The following PTPRN2 variants were observed in gnomAD, a reference collection of about 807,000 sequenced individuals.
PTPRN2 encodes the protein protein tyrosine phosphatase receptor type N2.
In PTPRN2, 74 loss-of-function variants were observed where a neutral mutation model predicts 118.8. The observed-to-expected ratio is 0.62, with a 90% confidence interval of 0.52 to 0.76. The LOEUF (loss-of-function observed/expected upper bound fraction) is 0.76. Among genes scored for constraint, PTPRN2 ranks in the 30% least tolerant of loss-of-function variants. The probability of loss-of-function intolerance (pLI) is 0.00; values close to 1 mark genes in which losing one functional copy is unlikely to be tolerated. For synonymous variants in PTPRN2, 641 were observed against 608.0 expected (o/e 1.05, Z -0.80); for missense variants, 1,481 against 1,394.4 (o/e 1.06, Z -0.99).
At chr7:158,561,979 C>T (rs1219149692) in intron 1 of PTPRN2, among the ~76,000 whole-genome samples, 1 of 152,214 alleles carries the variant, frequency 6.6e-6, no homozygotes, top group Non-Finnish European at 1.5e-5. Flanking sequence ...CACTGAGCTG[C>T]AGACCTGCCT....
At chr7:157,814,294 G>A (rs1806246547) in intron 12 of PTPRN2, among the ~76,000 whole-genome samples, 1 of 152,210 alleles carries the variant, frequency 6.6e-6, no homozygotes, top group Admixed American at 6.5e-5. Flanking sequence ...TGAAGGAAAC[G>A]TGGGTGTCCA....
At chr7:158,552,424 T>A (rs1713419257) in intron 1 of PTPRN2, among the ~76,000 whole-genome samples, 1 of 152,228 alleles carries the variant, frequency 6.6e-6, no homozygotes. Flanking sequence ...TACTGTTTTT[T>A]AAAAAATAAT....
At chr7:158,481,337 A>G (rs1820625825) in intron 2 of PTPRN2, among the ~76,000 whole-genome samples, 1 of 152,252 alleles carries the variant, frequency 6.6e-6, no homozygotes, top group African/African-American at 2.4e-5. Flanking sequence ...ATGGCTGCTC[A>G]TCAGCAGTGC....
rs1243312812 is a variant in PTPRN2, at chr7:157,929,001, G to A, written c.1724-30264C>T. Among the ~76,000 whole-genome samples, 1 of 152,164 alleles carries A rather than the reference G, an allele frequency of 6.6e-6. No homozygotes were observed. Among genetic ancestry groups the A allele is most frequent in the Non-Finnish European group, 1.5e-5 (1 of 68,022 alleles). Reference sequence around the variant, plus strand: ...CCCCACGTCCAGAACGTCAGGGCAGGAGGGGACATGGAGATGGTTTAACCT... The same window carrying A: ...CCCCACGTCCAGAACGTCAGGGCAGAAGGGGACATGGAGATGGTTTAACCT... On this transcript the variant is annotated intron_variant, in intron 11 of 22. Transcript: ENST00000389418. This position sits in a 1 kb window ranked among gnomAD's most constrained non-coding sequence, Gnocchi z 4.4.
chr7:157,846,983 CCTT>C (rs1415987876), intron 12 of PTPRN2, among the ~76,000 whole-genome samples: 1 of 150,706 alleles, frequency 6.6e-6, no homozygotes, highest in Non-Finnish European at 1.5e-5. Context: ...CTCTCTCACT[CCTT>C]CATGTGTGGC....
Position 157,671,770 on chromosome 7 carries a change from C to T in PTPRN2, c.2001+10955G>A, listed in dbSNP as rs1260635614. 3.9e-5 allele frequency among the ~76,000 whole-genome samples: 6 copies of T among 152,136 alleles called. No individual in the cohort carries two copies. The highest frequency in any genetic ancestry group is 1.4e-4 in the African/African-American group (6 of 41,424). Reference sequence around the variant, plus strand: ...TACCTAAAACTGATCTGAGTGACACCTGAACTGCACAAGGCCTGAAGGACG... The same window carrying T: ...TACCTAAAACTGATCTGAGTGACACTTGAACTGCACAAGGCCTGAAGGACG... On this transcript the variant is annotated intron_variant, in intron 13 of 22. Coordinates refer to ENST00000389418, the MANE Select transcript of PTPRN2 (RefSeq NM_002847.5). The surrounding 1 kb of genome is among the most constrained non-coding windows in gnomAD (Gnocchi z 4.1).
rs1464565924 is a variant in PTPRN2, at chr7:157,787,982, CG to C, written c.1789-105046del. Among the ~76,000 whole-genome samples, 3 of 152,154 alleles carry C rather than the reference CG, an allele frequency of 2.0e-5. No homozygotes were observed. Among genetic ancestry groups the C allele is most frequent in the Non-Finnish European group, 4.4e-5 (3 of 68,004 alleles). On this transcript the variant is annotated intron_variant, in intron 12 of 22. Coordinates refer to ENST00000389418, the MANE Select transcript of PTPRN2 (RefSeq NM_002847.5). This position sits in a 1 kb window ranked among gnomAD's most constrained non-coding sequence, Gnocchi z 5.3. The stretch of plus-strand genomic sequence containing the variant: ...CCGGGTCCCCTGGGAACCACGCAGC[CG>C]GGGCCTGGAGGCCGACACAAGCCAG...
At chr7:157,712,029 G>GCT (rs1798663060) in intron 12 of PTPRN2, among the ~76,000 whole-genome samples, 1 of 21,450 alleles carries the variant, frequency 4.7e-5, no homozygotes, top group African/African-American at 2.0e-4. Flanking sequence ...GGGCCGGGCA[G>GCT]GCCACATGAG....
At chr7:158,560,331 A>G (rs1220646179) in intron 1 of PTPRN2, among the ~76,000 whole-genome samples, 1 of 152,252 alleles carries the variant, frequency 6.6e-6, no homozygotes. Flanking sequence ...TCAGGTATGT[A>G]TGTACCCAGA....
At chr7:158,245,652 T>C (rs1464073120) in intron 3 of PTPRN2, among the ~76,000 whole-genome samples, 1 of 152,116 alleles carries the variant, frequency 6.6e-6, no homozygotes, top group African/African-American at 2.4e-5. Flanking sequence ...CAAAGGCAAC[T>C]CTGCACATCC....
intron 9 of PTPRN2, among the ~76,000 whole-genome samples, chr7:158,111,440 CCTGGCTGGGGACCTGT>C (rs898261991): frequency 3.4e-4 from 52 of 152,322 alleles, no homozygotes; most frequent in Admixed American, 1.6e-3. Flanking sequence ...CACAAGGCCA[CCTGGCTGGGGACCTGT>C]CCGTCAAGAG....
At chr7:158,161,947 C>A (rs928085949) in intron 6 of PTPRN2, among the ~76,000 whole-genome samples, 1 of 152,144 alleles carries the variant, frequency 6.6e-6, no homozygotes, top group Admixed American at 6.5e-5. Context: ...GACACCTCAC[C>A]ACAGAAGATA....
At position 157,550,773 on chromosome 7, in the gene PTPRN2, G is replaced by A. The variant is rs563989999; in HGVS notation, c.2903-1754C>T. Among the ~76,000 whole-genome samples the A allele has an allele frequency of 6.8e-4, 103 of 152,300 alleles. 1 individual carries two copies. The highest frequency in any genetic ancestry group is 2.0e-3 in the African/African-American group (85 of 41,564). ...TTCTTTTGCGGCAGCCCGTGAGCTC[G>A]GCCACCAGGGAACTAGCTGGCAGCT... is the stretch of plus-strand genomic sequence containing the variant. On this transcript the variant is annotated intron_variant, in intron 21 of 22. Transcript: ENST00000389418. This position sits in a 1 kb window ranked among gnomAD's most constrained non-coding sequence, Gnocchi z 5.2.
At chr7:158,146,575 G>C (rs1251925182) in intron 6 of PTPRN2, among the ~76,000 whole-genome samples, 3 of 151,574 alleles carry the variant, frequency 2.0e-5, no homozygotes, top group African/African-American at 7.3e-5. Flanking sequence ...CAAAAAATTA[G>C]CCAGGCGTGG....
rs2150514422 is a variant in PTPRN2, at chr7:157,571,421, C to A, written c.2837+19G>T. 1 of 1,587,414 alleles carries A rather than the reference C, an allele frequency of 6.3e-7. No homozygotes were observed. Among genetic ancestry groups the A allele is most frequent in the Admixed American group, 1.7e-5 (1 of 57,354 alleles). On this transcript the variant is annotated intron_variant, in intron 20 of 22. Transcript: ENST00000389418. ...TTGAGGTAGCCAAAACTTCTTAATC[C>A]ATTAAAAGTTGTACTTGCCTGCAAT...
At chr7:158,434,570 C>T (rs7788970) in intron 2 of PTPRN2, among the ~76,000 whole-genome samples, 5,319 of 152,188 alleles carry the variant, frequency 0.035, 321 homozygotes, top group African/African-American at 0.12. Context: ...TGGTCCCTTG[C>T]AAGCAGTGTG....
At chr7:158,246,919 G>T (rs4909054) in intron 3 of PTPRN2, among the ~76,000 whole-genome samples, 1 of 151,980 alleles carries the variant, frequency 6.6e-6, no homozygotes, top group Non-Finnish European at 1.5e-5. Context: ...CCAGGAATGC[G>T]CGGCCTGTTG....
chr7:158,167,636 C>T (rs1823152258), intron 5 of PTPRN2, among the ~76,000 whole-genome samples: 1 of 152,230 alleles, frequency 6.6e-6, no homozygotes. Flanking sequence ...ATCCGCATCA[C>T]CCAAAAAGAG....
chr7:158,182,003 G>C, intron 5 of PTPRN2, among the ~76,000 whole-genome samples: 1 of 152,082 alleles, frequency 6.6e-6, no homozygotes, highest in East Asian at 1.9e-4. Flanking sequence ...TGTGACATTA[G>C]GTTGTCACTT....
Sources: gnomAD v4.1 joint callset for allele counts (sites outside exome capture counted in the v4.1 genomes callset) on GRCh38, gnomAD v4.1.1 for gene constraint, Gnocchi (gnomAD v3.1) non-coding constraint, MANE v1.5 for transcripts, NCBI Gene and HGNC (gene_info 2026-07-23, HGNC 2026-07-21) for gene names.